The following ZC3H7A variants were observed in gnomAD, a reference collection of about 807,000 sequenced individuals.
The protein encoded by ZC3H7A is zinc finger CCCH domain-containing protein 7A.
In ZC3H7A, 44 loss-of-function variants were observed where a neutral mutation model predicts 125.5. That is an observed-to-expected ratio of 0.35 (90% CI 0.28 to 0.45). The LOEUF (loss-of-function observed/expected upper bound fraction) is 0.45, where lower values mean the gene tolerates loss of function less well. ZC3H7A is among the 20% of genes least tolerant of loss of function. The pLI is 1.00. For synonymous variants in ZC3H7A, 399 were observed against 391.2 expected, an observed-to-expected ratio of 1.02 and a Z score of -0.23; for missense variants, 977 against 1,170.7, an observed-to-expected ratio of 0.83 and a Z score of 2.41.
Position 11,762,674 on chromosome 16 carries a change from C to G in ZC3H7A, c.2076G>C (p.Ala692=). 6.2e-7 allele frequency: 1 copy of G among 1,613,652 alleles called. No individual in the cohort carries two copies. The highest frequency in any genetic ancestry group is 8.5e-7 in the Non-Finnish European group (1 of 1,179,736). Residue 692 remains alanine, a synonymous_variant, in exon 17 of 23, where the codon GCG becomes GCC. Transcript: ENST00000355758. ...WQNLEANVPG[A]QVLGNQIMPG... is the part of the protein sequence containing the mutation. ...AAAGTACACAAGAGAAAAATACCTG[C>G]GCTCCAGGTACATTTGCTTCCAAAT...
chr16:11,780,808 CAA>C (rs999810198), intron 3 of ZC3H7A, among the ~76,000 whole-genome samples: 5 of 152,252 alleles, frequency 3.3e-5, no homozygotes, highest in Admixed American at 3.3e-4. Context: ...TTAGTAGAGA[CAA>C]GAGTCTGCAG....
In ZC3H7A at chr16:11,779,293, T is replaced by A; in HGVS notation, c.179A>T (p.Asn60Ile). The change falls in exon 4 of 23, where the codon AAC becomes ATC. Residue 60 changes from asparagine (N) to isoleucine (I), a missense_variant. By Grantham distance (149) the Asn-to-Ile change is moderately radical. Coordinates refer to ENST00000355758, the MANE Select transcript of ZC3H7A (RefSeq NM_014153.4). ...GNDVYREHDWNNSISQYTEAL... is the reference protein window; with the variant it reads ...GNDVYREHDWINSISQYTEAL... ...TTCCGTGTACTGGCTTATCGAGTTG[T>A]TCCAATCATGTTCCCGATAAACGTC... 6.2e-7 allele frequency: 1 copy of A among 1,614,120 alleles called. No homozygotes were observed. The highest frequency in any genetic ancestry group is 8.5e-7 in the Non-Finnish European group (1 of 1,180,014).
chr16:11,761,780 G>C, intron 18 of ZC3H7A, 130 bp downstream of exon 18: 1 of 1,304,772 alleles, frequency 7.7e-7, no homozygotes, highest in Non-Finnish European at 1.0e-6. Context: ...CCTTGTGTCT[G>C]TAATTATCCT....
In ZC3H7A at chr16:11,751,463, C is replaced by A; in HGVS notation, c.2770G>T (p.Ala924Ser). The change falls in exon 23 of 23, where the codon GCA becomes TCA. Residue 924 changes from alanine to serine, a missense_variant. By Grantham distance (99) the Ala-to-Ser change is moderately conservative (BLOSUM62 1). Coordinates refer to ENST00000355758, the MANE Select transcript of ZC3H7A (RefSeq NM_014153.4). ...TCPEGNSCKF[A>S]HGNAELHEWE... ...TCATGAAGTTCGGCATTTCCATGTGCAAATTTACAGCTGTTTCCTTCTGGG... is the reference window on the plus strand; with the variant it reads ...TCATGAAGTTCGGCATTTCCATGTGAAAATTTACAGCTGTTTCCTTCTGGG... The A allele has an allele frequency of 6.2e-7, 1 of 1,614,124 alleles. No homozygotes were observed. Among genetic ancestry groups the A allele is most frequent in the Non-Finnish European group, 8.5e-7 (1 of 1,180,024 alleles).
At position 11,770,888 on chromosome 16, in the gene ZC3H7A, A is replaced by G. The variant is rs768405556; in HGVS notation, c.1003T>C (p.Tyr335His). 1.9e-6 allele frequency: 3 copies of G among 1,614,058 alleles called. No homozygotes were observed. In the African/African-American group the frequency reaches 4.0e-5, roughly 22 times the overall value. Reference sequence around the variant, plus strand: ...TCTGAGAAGGAGGGTGGAGGAGCATACCTCGCACCAATGGGTAAGGTTCCT... The same window carrying G: ...TCTGAGAAGGAGGGTGGAGGAGCATGCCTCGCACCAATGGGTAAGGTTCCT... ...LLGTLPIGAR[Y>H]APPPSFSEFY... The change falls in exon 10 of 23, where the codon TAT becomes CAT. Residue 335 changes from tyrosine to histidine, a missense_variant. Transcript: ENST00000355758.
intron 1 of ZC3H7A, among the ~76,000 whole-genome samples, chr16:11,794,366 C>T (rs916598756): frequency 9.2e-5 from 14 of 152,120 alleles, no homozygotes; most frequent in African/African-American, 3.1e-4. Context: ...ATTTAATATG[C>T]CTTTTGTGTA....
At chr16:11,772,048 T>A (rs778040298) in intron 9 of ZC3H7A, among the ~76,000 whole-genome samples, 1 of 151,616 alleles carries the variant, frequency 6.6e-6, no homozygotes. Flanking sequence ...CACAAAAAAT[T>A]AGCCGGGCGT....
chr16:11,770,687 G>C (rs1044580226), intron 10 of ZC3H7A, 96 bp downstream of exon 10: 1 of 1,117,670 alleles, frequency 8.9e-7, no homozygotes, highest in Non-Finnish European at 1.3e-6. Context: ...TAATTCACAT[G>C]TCTACTACCT....
chr16:11,763,483 T>C lies in ZC3H7A; in HGVS notation c.1997A>G (p.Glu666Gly). The change falls in exon 16 of 23, where the codon GAA (glutamate) becomes GGA (glycine). Residue 666 changes from glutamate (E) to glycine (G), a missense_variant. Glu to Gly is a moderately conservative substitution (Grantham distance 98). Around this residue, in one of 3 missense-constraint regions of ZC3H7A, gnomAD observed 436 missense variants for 603.2 expected, o/e 0.72. Transcript: ENST00000355758. ...TCAGTCGCACTCAAACCTACCTGTT[T>C]CATTTTGCATTATCCAGACTTTCAG... The part of the protein sequence containing the change: ...VELKVWIMQN[E>G]TGISHDAIAQ... The C allele has an allele frequency of 6.3e-7, 1 of 1,599,856 alleles. No homozygotes were observed. Among genetic ancestry groups the C allele is most frequent in the Non-Finnish European group, 8.5e-7 (1 of 1,172,062 alleles).
chr16:11,770,762 C>A lies in ZC3H7A; in HGVS notation c.1108+21G>T, dbSNP rs745407423. The A allele has an allele frequency of 1.3e-5, 21 of 1,584,350 alleles. 1 individual carries two copies. The South Asian group carries it at 2.3e-4, about 17-fold the overall frequency. ...TGAGAAAATCAACTGCAATTGTTTA[C>A]AATTTAGATTTGGTTCTTACCTCGT... On this transcript the variant is annotated intron_variant, in intron 10 of 22. Coordinates refer to ENST00000355758, the MANE Select transcript of ZC3H7A (RefSeq NM_014153.4).
intron 12 of ZC3H7A, 60 bp from the exon 13 acceptor site, chr16:11,767,638 G>A: frequency 6.9e-7 from 1 of 1,450,862 alleles, no homozygotes; most frequent in Non-Finnish European, 9.2e-7. Flanking sequence ...CATTTTACAG[G>A]TAAATTTACA....
chr16:11,754,136 AC>A (rs2052596572), intron 21 of ZC3H7A, among the ~76,000 whole-genome samples: 1 of 151,638 alleles, frequency 6.6e-6, no homozygotes, highest in African/African-American at 2.4e-5. Flanking sequence ...TACAAAAAAT[AC>A]AAAAATTAGC....
chr16:11,777,844 A>AC (rs2053108073), intron 4 of ZC3H7A, among the ~76,000 whole-genome samples: 1 of 151,640 alleles, frequency 6.6e-6, no homozygotes, highest in Admixed American at 6.6e-5. Context: ...ACATGGAGAC[A>AC]CCCCGTCTCT....
intron 7 of ZC3H7A, among the ~76,000 whole-genome samples, chr16:11,775,996 C>CA (rs1317966540): frequency 6.6e-6 from 1 of 151,936 alleles, no homozygotes; most frequent in Non-Finnish European, 1.5e-5. Flanking sequence ...CCCATCGCTA[C>CA]AAAAAATACA....
intron 1 of ZC3H7A, among the ~76,000 whole-genome samples, chr16:11,786,020 G>A (rs1460118409): frequency 1.3e-5 from 2 of 152,208 alleles, no homozygotes; most frequent in Non-Finnish European, 2.9e-5. Flanking sequence ...TACAGCAGTA[G>A]TAGAAGACTG....
intron 20 of ZC3H7A, 60 bp from the exon 21 acceptor site, chr16:11,756,430 C>T: frequency 6.3e-7 from 1 of 1,579,600 alleles, no homozygotes; most frequent in Non-Finnish European, 8.6e-7. Flanking sequence ...ATACATGCAA[C>T]TATGTGCATA....
chr16:11,764,282 C>A (rs1175298541), intron 15 of ZC3H7A, among the ~76,000 whole-genome samples: 2 of 152,082 alleles, frequency 1.3e-5, no homozygotes. Context: ...GGCGTGATGG[C>A]TCACTCCTAT....
At chr16:11,797,017 G>T (rs557761659) in intron 1 of ZC3H7A, 107 bp downstream of exon 1, 1 of 144,970 alleles carries the variant, frequency 6.9e-6, no homozygotes, top group African/African-American at 2.6e-5. Context: ...CCCGCCCGCC[G>T]TCCGTTAACG....
intron 16 of ZC3H7A, 123 bp downstream of exon 16, chr16:11,763,355 T>C: frequency 1.1e-6 from 1 of 949,588 alleles, no homozygotes; most frequent in Non-Finnish European, 1.5e-6. Context: ...GTGATCCATC[T>C]GCCTCAGCCT....
Sources: allele counts gnomAD v4.1 joint callset (sites outside exome capture counted in the v4.1 genomes callset), GRCh38; gene constraint gnomAD v4.1.1; regional missense constraint gnomAD v4.1.1; transcripts MANE v1.5; gene names NCBI Gene and HGNC (gene_info 2026-07-23, HGNC 2026-07-21).